Variants in CLMN observed in about 807,000 individuals in gnomAD.
CLMN encodes calmin.
A neutral mutation model predicts 92.7 loss-of-function variants in CLMN; 57 were observed. That is an observed-to-expected ratio of 0.61 (90% CI 0.50 to 0.77). The LOEUF is 0.77. Ranked by LOEUF, CLMN falls within the 30% of genes least tolerant of loss-of-function variation. CLMN has a pLI of 0.00. For synonymous variants in CLMN, 466 were observed against 470.6 expected (o/e 0.99, Z 0.13); for missense variants, 1,158 against 1,237.5 (o/e 0.94, Z 0.96).
rs150712230 is a variant in CLMN, at chr14:95,294,268, C to T, written c.82+25443G>A. On this transcript the variant is annotated intron_variant, in intron 1 of 12. Transcript: ENST00000298912. The surrounding 1 kb of genome is among the most constrained non-coding windows in gnomAD (Gnocchi z 4.2). Reference sequence around the variant, plus strand: ...GGAAAAGGCATGGCCCCTGCTTGCACGGGGAAGACAAAATTTAACCAAGAA... The same window carrying T: ...GGAAAAGGCATGGCCCCTGCTTGCATGGGGAAGACAAAATTTAACCAAGAA... 1.0e-3 allele frequency among the ~76,000 whole-genome samples: 156 copies of T among 152,308 alleles called. No homozygotes were observed. Among genetic ancestry groups the T allele is most frequent in the South Asian group, 3.9e-3 (19 of 4,830 alleles).
intron 1 of CLMN, among the ~76,000 whole-genome samples, chr14:95,299,829 C>T (rs1900968425): frequency 6.6e-6 from 1 of 152,204 alleles, no homozygotes; most frequent in Non-Finnish European, 1.5e-5. Context: ...TTTTCATTCT[C>T]GCCTTCCATT....
At chr14:95,293,519 A>T (rs924137365) in intron 1 of CLMN, among the ~76,000 whole-genome samples, 1 of 151,906 alleles carries the variant, frequency 6.6e-6, no homozygotes, top group Non-Finnish European at 1.5e-5. Context: ...CTCCCTAGGC[A>T]GTCTGTCAGC....
In CLMN at chr14:95,204,473, A is replaced by AAAACAAAAACAAAC; in HGVS notation, c.886-24_886-11dup. The AAAACAAAAACAAAC allele has an allele frequency of 6.5e-7, 1 of 1,550,298 alleles. No individual in the cohort carries two copies. The highest frequency in any genetic ancestry group is 8.7e-7 in the Non-Finnish European group (1 of 1,154,524). ...AATCGAAAATATCTTCCTGCAAAAA[A>AAAACAAAAACAAAC]AAACAAAAACAAACAAACAAAAAAA... On this transcript the variant is annotated splice_polypyrimidine_tract_variant and intron_variant, in intron 8 of 12. Transcript: ENST00000298912.
chr14:95,215,813 CTCTG>C (rs1262463666), intron 4 of CLMN, 80 bp from the exon 5 acceptor site: 41 of 851,454 alleles, frequency 4.8e-5, no homozygotes, highest in East Asian at 2.3e-4. Context: ...CTCTCTCTCT[CTCTG>C]TGTGTGTGTG....
Position 95,294,923 on chromosome 14 carries a change from A to G in CLMN, c.82+24788T>C, listed in dbSNP as rs1160440512. On this transcript the variant is annotated intron_variant, in intron 1 of 12. Coordinates refer to ENST00000298912, the MANE Select transcript of CLMN (RefSeq NM_024734.4). This position sits in a 1 kb window ranked among gnomAD's most constrained non-coding sequence, Gnocchi z 4.2. ...CACCTGGGCCCCCAGCTCCAGCCAG[A>G]GTGCCCCTCACCAGGCGATAGCTTT... 6.6e-6 allele frequency among the ~76,000 whole-genome samples: 1 copy of G among 152,220 alleles called. No homozygotes were observed. The highest frequency in any genetic ancestry group is 1.5e-5 in the Non-Finnish European group (1 of 68,040).
intron 1 of CLMN, among the ~76,000 whole-genome samples, chr14:95,266,040 G>GA (rs1899459459): frequency 6.6e-6 from 1 of 152,208 alleles, no homozygotes; most frequent in Non-Finnish European, 1.5e-5. Flanking sequence ...ATTTGAGTGG[G>GA]AGTAAGCAGG....
rs752635208 is a variant in CLMN at position 95,196,682 on chromosome 14, G to C, written c.2524C>G (p.Pro842Ala). Residue 842 changes from proline to alanine, a missense_variant, in exon 10 of 13, where the codon CCA becomes GCA. Coordinates refer to ENST00000298912, the MANE Select transcript of CLMN (RefSeq NM_024734.4). ...PMDSHQSQES[P>A]NLENIANPLE... ...GGGTTTGCTATGTTTTCCAGGTTTG[G>C]GGATTCCTGGGACTGAAAGACAGAA... 3.7e-6 allele frequency: 6 copies of C among 1,612,498 alleles called. No homozygotes were observed.
chr14:95,245,220 ATATAT>A (rs1566891059), intron 1 of CLMN, among the ~76,000 whole-genome samples: 6 of 30,316 alleles, frequency 2.0e-4, no homozygotes, highest in African/African-American at 1.1e-3. Flanking sequence ...ATATATATAT[ATATAT>A]TATATATATA....
intron 1 of CLMN, among the ~76,000 whole-genome samples, chr14:95,306,506 G>GAGACA (rs1901284395): frequency 2.0e-5 from 3 of 152,074 alleles, no homozygotes; most frequent in Admixed American, 6.5e-5. Context: ...ACCACACCTG[G>GAGACA]GTGACAGAGC....
intron 1 of CLMN, among the ~76,000 whole-genome samples, chr14:95,270,925 C>T (rs1381757850): frequency 2.6e-5 from 4 of 152,090 alleles, no homozygotes; most frequent in African/African-American, 7.2e-5. Flanking sequence ...TTTATATTTC[C>T]TCTAGCAGTG....
At chr14:95,235,859 G>C (rs926583505) in intron 1 of CLMN, among the ~76,000 whole-genome samples, 1 of 152,104 alleles carries the variant, frequency 6.6e-6, no homozygotes, top group Non-Finnish European at 1.5e-5. Context: ...CTCTACACGC[G>C]CTCGCCCAGA....
At position 95,204,057 on chromosome 14, in the gene CLMN, T is replaced by C; in HGVS notation, c.1292A>G (p.Asp431Gly). 6.2e-7 allele frequency: 1 copy of C among 1,614,200 alleles called. No individual in the cohort carries two copies. Among genetic ancestry groups the C allele is most frequent in the Non-Finnish European group, 8.5e-7 (1 of 1,180,052 alleles). Residue 431 changes from aspartate (D) to glycine (G), a missense_variant, in exon 9 of 13, where the codon GAC (aspartate) becomes GGC (glycine). By Grantham distance (94) the Asp-to-Gly change is moderately conservative. Coordinates refer to ENST00000298912, the MANE Select transcript of CLMN (RefSeq NM_024734.4). ...PIKKTVHFEA[D>G]TYKDPFCSKN... ...ACTGCAGAAAGGATCCTTGTAGGTG[T>C]CAGCCTCAAAGTGAACTGTTTTCTT...
intron 1 of CLMN, among the ~76,000 whole-genome samples, chr14:95,245,669 T>C (rs1215820677): frequency 2.4e-5 from 2 of 82,830 alleles, no homozygotes; most frequent in African/African-American, 6.7e-5. Context: ...GGTAGATGGA[T>C]AGATGGATGG....
intron 1 of CLMN, among the ~76,000 whole-genome samples, chr14:95,242,544 G>A (rs532047646): frequency 1.5e-4 from 23 of 150,616 alleles, no homozygotes; most frequent in Non-Finnish European, 2.8e-4. Context: ...ACAGGCATGA[G>A]CCACCATGCC....
At chr14:95,207,225 T>G (rs532399085) in intron 8 of CLMN, among the ~76,000 whole-genome samples, 1 of 152,354 alleles carries the variant, frequency 6.6e-6, no homozygotes, top group Non-Finnish European at 1.5e-5. Flanking sequence ...TTCTTTGTAA[T>G]GAAAACAGTT....
intron 1 of CLMN, among the ~76,000 whole-genome samples, chr14:95,237,313 C>T (rs571995283): frequency 6.6e-6 from 1 of 152,348 alleles, no homozygotes; most frequent in East Asian, 1.9e-4. Flanking sequence ...CAAGTAGACC[C>T]GGCACCTGCA....
intron 1 of CLMN, among the ~76,000 whole-genome samples, chr14:95,318,363 C>T (rs1280561479): frequency 6.6e-6 from 1 of 152,126 alleles, no homozygotes; most frequent in Non-Finnish European, 1.5e-5. Flanking sequence ...CAAATCACAG[C>T]CAGAAGAGAT....
At chr14:95,240,693 C>T (rs1213411688) in intron 1 of CLMN, among the ~76,000 whole-genome samples, 2 of 152,154 alleles carry the variant, frequency 1.3e-5, no homozygotes, top group African/African-American at 4.8e-5. Flanking sequence ...CTAGGCAAAG[C>T]GCAAGGAAGG....
At position 95,194,030 on chromosome 14, in the gene CLMN, T is replaced by C; in HGVS notation, c.2770-111A>G. On this transcript the variant is annotated intron_variant, in intron 11 of 12. Transcript: ENST00000298912. The surrounding 1 kb of genome is among the most constrained non-coding windows in gnomAD (Gnocchi z 4.0). ...CACACAAAGCCGAGCATGCCGGGCA[T>C]TTCTCAATACCGCCAGCGTCTAGAT... 2 of 1,519,588 alleles carry C rather than the reference T, an allele frequency of 1.3e-6. No individual in the cohort carries two copies. The highest frequency in any genetic ancestry group is 1.8e-6 in the Non-Finnish European group (2 of 1,137,204). 94.1% of individuals were successfully genotyped at this position (1,519,588 alleles called of 1,614,324 possible). A position where few individuals can be genotyped will look rare whatever the true frequency, so the allele number is the denominator to read the frequency against.
Sources: allele counts gnomAD v4.1 joint callset (sites outside exome capture counted in the v4.1 genomes callset), GRCh38; gene constraint gnomAD v4.1.1; non-coding constraint Gnocchi (gnomAD v3.1); transcripts MANE v1.5; gene names NCBI Gene and HGNC (gene_info 2026-07-23, HGNC 2026-07-21).